MYO3A: variants seen among roughly 807,000 people sequenced by gnomAD.
The protein encoded by MYO3A is myosin-IIIa.
In MYO3A, 180 loss-of-function variants were observed where a neutral mutation model predicts 192.7. That is an observed-to-expected ratio of 0.93 (90% CI 0.83 to 1.06). The LOEUF (loss-of-function observed/expected upper bound fraction) is 1.06. MYO3A is among the 50% of genes least tolerant of loss of function. The pLI, the probability that MYO3A is intolerant of heterozygous loss-of-function variation, is 0.00. For missense variants in MYO3A, 1,896 were observed against 1,905.0 expected (o/e 1.00, Z 0.09); for synonymous variants, 628 against 645.3 (o/e 0.97, Z 0.41).
At chr10:25,958,653 T>G (rs1446031844) in intron 4 of MYO3A, among the ~76,000 whole-genome samples, 1 of 152,208 alleles carries the variant, frequency 6.6e-6, no homozygotes, top group East Asian at 1.9e-4. Context: ...TTGATAAGAA[T>G]AGCATTGAAT....
At chr10:26,160,455 C>T (rs937493322) in intron 26 of MYO3A, among the ~76,000 whole-genome samples, 1 of 152,060 alleles carries the variant, frequency 6.6e-6, no homozygotes, top group Non-Finnish European at 1.5e-5. Context: ...CCAGCCTGGG[C>T]AATGTAGCAA....
chr10:26,174,308 A>G lies in MYO3A; in HGVS notation c.4044A>G (p.Lys1348=), dbSNP rs1238187432. 2 of 1,614,128 alleles carry G rather than the reference A, an allele frequency of 1.2e-6. No individual in the cohort carries two copies. Among genetic ancestry groups the G allele is most frequent in the Non-Finnish European group, 1.7e-6 (2 of 1,179,988 alleles). Residue 1348 remains lysine (K), a synonymous_variant, in exon 30 of 35, where the codon AAA becomes AAG. Coordinates refer to ENST00000642920, the MANE Select transcript of MYO3A (RefSeq NM_017433.5). ...CACAGGCCCAGGAGGAAGAAGATAA[A>G]GCAGCGGTATTCATTCAGAGCAAAT... The part of the protein sequence containing the change: ...PVTQAQEEED[K]AAVFIQSKYR...
In MYO3A at chr10:26,070,914, G is replaced by A. The variant is rs149589225; in HGVS notation, c.1359+513G>A. The stretch of plus-strand genomic sequence containing the variant: ...AAAGAAATAAAAGACCTAAATAAAC[G>A]AAGAGATATAACATGATCATGGATT... On this transcript the variant is annotated intron_variant, in intron 14 of 34. Transcript: ENST00000642920. 3.0e-3 allele frequency among the ~76,000 whole-genome samples: 456 copies of A among 152,118 alleles called. 2 individuals are homozygous for A. Among genetic ancestry groups the A allele is most frequent in the African/African-American group, 0.011 (438 of 41,542 alleles).
rs55634590 is a variant in MYO3A at position 26,021,532 on chromosome 10, C to A, written c.615C>A (p.Thr205=). 7.1e-5 allele frequency: 114 copies of A among 1,614,060 alleles called. No individual in the cohort carries two copies. The highest frequency in any genetic ancestry group is 9.5e-5 in the Non-Finnish European group (112 of 1,179,962). The change falls in exon 8 of 35, where the codon ACC becomes ACA. Residue 205 remains threonine, a synonymous_variant. Coordinates refer to ENST00000642920, the MANE Select transcript of MYO3A (RefSeq NM_017433.5). ...TTGCATGTGAACAGCAATTGGATAC[C>A]ACTTATGACGCCAGATGTGACACTT... is the stretch of plus-strand genomic sequence containing the variant. ...EVIACEQQLD[T]TYDARCDTWS...
chr10:26,104,134 G>T (rs903513114), intron 17 of MYO3A, among the ~76,000 whole-genome samples: 1 of 151,100 alleles, frequency 6.6e-6, no homozygotes, highest in African/African-American at 2.4e-5. Context: ...AAAAATTATA[G>T]TATTTGTTAT....
intron 25 of MYO3A, among the ~76,000 whole-genome samples, chr10:26,155,111 G>C (rs910724354): frequency 1.3e-5 from 2 of 152,056 alleles, no homozygotes; most frequent in Non-Finnish European, 2.9e-5. Context: ...AACCTAAAAG[G>C]ATTTTTACTT....
At chr10:25,951,253 A>G (rs1236576632) in intron 2 of MYO3A, among the ~76,000 whole-genome samples, 1 of 152,106 alleles carries the variant, frequency 6.6e-6, no homozygotes, top group Non-Finnish European at 1.5e-5. Context: ...CATTGGCCAT[A>G]TTCTTTAATT....
intron 17 of MYO3A, among the ~76,000 whole-genome samples, chr10:26,101,765 C>A (rs931907646): frequency 6.6e-6 from 1 of 152,182 alleles, no homozygotes; most frequent in Non-Finnish European, 1.5e-5. Flanking sequence ...CCAGGAGATC[C>A]GCTGTTAGTC....
rs1442041637 is a variant in MYO3A at position 26,128,516 on chromosome 10, A to C, written c.2240A>C (p.Gln747Pro). The change falls in exon 20 of 35, where the codon CAA (glutamine) becomes CCA (proline). Residue 747 changes from glutamine (Q) to proline (P), a missense_variant. Coordinates refer to ENST00000642920, the MANE Select transcript of MYO3A (RefSeq NM_017433.5). ...ANEQIQYYYN[Q>P]HVFAWEQNEY... ...GAACAAATTCAGTATTATTATAATC[A>C]ACATGTGTTTGCATGGGAACAGGTA... 6.2e-7 allele frequency: 1 copy of C among 1,612,010 alleles called. No individual in the cohort carries two copies. The highest frequency in any genetic ancestry group is 2.2e-5 in the East Asian group (1 of 44,770).
chr10:26,156,428 G>A (rs1371587741), intron 25 of MYO3A, among the ~76,000 whole-genome samples: 1 of 152,124 alleles, frequency 6.6e-6, no homozygotes, highest in Non-Finnish European at 1.5e-5. Context: ...ACTTTTAGTT[G>A]ATTATCCTAA....
At chr10:26,046,938 A>T (rs532438499) in intron 10 of MYO3A, among the ~76,000 whole-genome samples, 18 of 152,232 alleles carry the variant, frequency 1.2e-4, no homozygotes, top group Non-Finnish European at 1.9e-4. Context: ...CTTAAATTTT[A>T]TCAGCTATTC....
chr10:26,128,613 C>T, intron 20 of MYO3A, 75 bp downstream of exon 20: 1 of 1,421,698 alleles, frequency 7.0e-7, no homozygotes, highest in Non-Finnish European at 9.8e-7. Flanking sequence ...GAAGCAGGAC[C>T]TTAACCATAG....
At chr10:26,211,796 G>A (rs1211853292) in intron 34 of MYO3A, 47 bp from the exon 35 acceptor site, 2 of 1,611,640 alleles carry the variant, frequency 1.2e-6, no homozygotes, top group Non-Finnish European at 1.7e-6. Context: ...GGGACGCGCT[G>A]CTCACTGTGG....
At chr10:26,188,699 A>C (rs1324972597) in intron 31 of MYO3A, among the ~76,000 whole-genome samples, 1 of 152,192 alleles carries the variant, frequency 6.6e-6, no homozygotes, top group South Asian at 2.1e-4. Flanking sequence ...TCAGCTTTCT[A>C]CATATGGCTA....
At chr10:26,163,798 T>C (rs977942982) in intron 26 of MYO3A, among the ~76,000 whole-genome samples, 4 of 152,168 alleles carry the variant, frequency 2.6e-5, no homozygotes, top group African/African-American at 9.7e-5. Flanking sequence ...ACAGGAATAG[T>C]TGGAGCCAAG....
chr10:25,974,181 C>T (rs1371034977), intron 4 of MYO3A, among the ~76,000 whole-genome samples: 1 of 152,164 alleles, frequency 6.6e-6, no homozygotes, highest in Admixed American at 6.5e-5. Flanking sequence ...AAAATTTTTG[C>T]AATCTACGCA....
intron 27 of MYO3A, among the ~76,000 whole-genome samples, chr10:26,166,546 A>C (rs1306058853): frequency 6.6e-6 from 1 of 152,202 alleles, no homozygotes; most frequent in Non-Finnish European, 1.5e-5. Flanking sequence ...TCTAAAGAAA[A>C]GTTTACATTG....
chr10:26,056,528 G>A (rs1834123120), intron 10 of MYO3A, among the ~76,000 whole-genome samples: 1 of 152,172 alleles, frequency 6.6e-6, no homozygotes, highest in Admixed American at 6.5e-5. Context: ...CATATCTATA[G>A]CACATGTAAA....
chr10:26,043,259 T>C (rs1276551951), intron 10 of MYO3A, among the ~76,000 whole-genome samples: 1 of 151,876 alleles, frequency 6.6e-6, no homozygotes, highest in Non-Finnish European at 1.5e-5. Context: ...GAGTCAGACC[T>C]GAAGGCAGCA....
Sources: gnomAD v4.1 joint callset for allele counts (sites outside exome capture counted in the v4.1 genomes callset) on GRCh38, gnomAD v4.1.1 for gene constraint, MANE v1.5 for transcripts, NCBI Gene and HGNC (gene_info 2026-07-23, HGNC 2026-07-21) for gene names.